HTATIP2: variants seen among roughly 807,000 people sequenced by gnomAD.
The protein encoded by HTATIP2 is protein HTATIP2.
HTATIP2 carries 26 observed loss-of-function variants against 24.7 expected under a neutral mutation model. That is an observed-to-expected ratio of 1.05 (90% CI 0.77 to 1.46). The LOEUF is 1.46. Ranked by LOEUF, HTATIP2 falls within the 40% of genes most tolerant of loss-of-function variation. The pLI, the probability that HTATIP2 is intolerant of heterozygous loss-of-function variation, is 0.00. For missense variants in HTATIP2, 284 were observed against 289.6 expected (o/e 0.98, Z 0.14); for synonymous variants, 99 against 113.2 (o/e 0.87, Z 0.79).
chr11:20,378,177 T>A (rs1565184384), intron 3 of HTATIP2, among the ~76,000 whole-genome samples: 2 of 152,214 alleles, frequency 1.3e-5, no homozygotes, highest in Non-Finnish European at 2.9e-5. Context: ...GAGCCATATC[T>A]CACCTATCCT....
intron 3 of HTATIP2, among the ~76,000 whole-genome samples, chr11:20,379,442 C>T (rs542951447): frequency 1.3e-5 from 2 of 152,292 alleles, no homozygotes; most frequent in South Asian, 4.1e-4. Context: ...CTGTGTGTAA[C>T]ATTCCTAGTA....
Position 20,382,977 on chromosome 11 carries a change from T to TAG in HTATIP2, c.504_505dup. 1 of 1,590,762 alleles carries TAG rather than the reference T, an allele frequency of 6.3e-7. No individual in the cohort carries two copies. On this transcript the variant is annotated splice_region_variant and splice_polypyrimidine_tract_variant and intron_variant, in intron 4 of 4. Transcript: ENST00000451739. ...CTTTCTTTTTTTTTTTTTTTTATTT[T>TAG]AGAGTTCTGTTATGTGATAGGCAAG...
intron 2 of HTATIP2, among the ~76,000 whole-genome samples, chr11:20,374,387 T>G (rs911564928): frequency 6.6e-6 from 1 of 152,248 alleles, no homozygotes; most frequent in African/African-American, 2.4e-5. Context: ...ATCTTAGAAG[T>G]CTGACACGGG....
Position 20,363,751 on chromosome 11 carries a change from T to G in HTATIP2, c.-487T>G, listed in dbSNP as rs879743684. The G allele has an allele frequency of 8.1e-7, 1 of 1,235,362 alleles. No individual in the cohort carries two copies. Among genetic ancestry groups the G allele is most frequent in the African/African-American group, 1.6e-5 (1 of 64,252 alleles). The allele number at this position is 1,235,362 out of a possible 1,614,324, so 76.5% of individuals were successfully genotyped here. A position where few individuals can be genotyped will look rare whatever the true frequency, so the allele number is the denominator to read the frequency against. ...AGGCCACCCGGAAGACCAAGCCGGG[T>G]AGGCGCTGTCTCCGTCGCCTCCAAC... On this transcript the variant is annotated 5_prime_UTR_variant, in exon 1 of 5. Coordinates refer to ENST00000451739, the MANE Select transcript of HTATIP2 (RefSeq NM_001098522.2).
At position 20,363,989 on chromosome 11, in the gene HTATIP2, G is replaced by T. The variant is rs2064663877; in HGVS notation, c.-249G>T. ...GGGGATACCGTGGGGTATGCCCAGTGATGCCAGCAGCTTGTGGCACCTGGG... is the reference window on the plus strand; with the variant it reads ...GGGGATACCGTGGGGTATGCCCAGTTATGCCAGCAGCTTGTGGCACCTGGG... On this transcript the variant is annotated 5_prime_UTR_variant, in exon 1 of 5. The change abolishes the stop of an existing upstream ORF in the 5' untranslated region. Coordinates refer to ENST00000451739, the MANE Select transcript of HTATIP2 (RefSeq NM_001098522.2). 8.7e-6 allele frequency: 11 copies of T among 1,263,494 alleles called. No individual in the cohort carries two copies. The highest frequency in any genetic ancestry group is 1.1e-5 in the Non-Finnish European group (11 of 1,004,098). The allele number at this position is 1,263,494 out of a possible 1,614,324, so 78.3% of individuals were successfully genotyped here. A position where few individuals can be genotyped will look rare whatever the true frequency, so the allele number is the denominator to read the frequency against.
In HTATIP2 at chr11:20,383,245, C is replaced by A; in HGVS notation, c.*40C>A. ...TGGTTTTTATTGTCAACCTTAACAC[C>A]CATCACCAAATCGGTAATTTCAGGG... is the stretch of plus-strand genomic sequence containing the variant. On this transcript the variant is annotated 3_prime_UTR_variant, in exon 5 of 5. Coordinates refer to ENST00000451739, the MANE Select transcript of HTATIP2 (RefSeq NM_001098522.2). 3 of 1,459,988 alleles carry A rather than the reference C, an allele frequency of 2.1e-6. No individual in the cohort carries two copies. Among genetic ancestry groups the A allele is most frequent in the Non-Finnish European group, 1.9e-6 (2 of 1,055,500 alleles). The allele number at this position is 1,459,988 out of a possible 1,614,324, so 90.4% of individuals were successfully genotyped here. A position where few individuals can be genotyped will look rare whatever the true frequency, so the allele number is the denominator to read the frequency against.
At chr11:20,365,422 A>G (rs953937261) in intron 1 of HTATIP2, among the ~76,000 whole-genome samples, 1 of 152,312 alleles carries the variant, frequency 6.6e-6, no homozygotes, top group South Asian at 2.1e-4. Context: ...AACTGCAACA[A>G]ATTAACATAG....
rs377524639 is a variant in HTATIP2 at position 20,376,658 on chromosome 11, A to G, written c.382A>G (p.Asn128Asp). ...LAKAGGCKHF[N>D]LLSSKGADKS... ...AAAAGCTGGAGGGTGCAAACATTTC[A>G]ACTTGCTATCCTCTAAAGGAGCTGA... Residue 128 changes from asparagine (N) to aspartate (D), a missense_variant, in exon 3 of 5, where the codon AAC becomes GAC. Physicochemically the swap from Asn to Asp is conservative, Grantham distance 23 (BLOSUM62 1). Transcript: ENST00000451739. 38 of 1,613,798 alleles carry G rather than the reference A, an allele frequency of 2.4e-5. No homozygotes were observed. The highest frequency in any genetic ancestry group is 3.1e-5 in the Non-Finnish European group (37 of 1,179,828).
At chr11:20,379,216 G>A (rs942419373) in intron 3 of HTATIP2, among the ~76,000 whole-genome samples, 3 of 152,204 alleles carry the variant, frequency 2.0e-5, no homozygotes, top group South Asian at 4.1e-4. Flanking sequence ...AGATTGGACC[G>A]TGACAGAGCC....
At position 20,367,100 on chromosome 11, in the gene HTATIP2, C is replaced by G. The variant is rs141202501; in HGVS notation, c.196-74C>G. 4.5e-6 allele frequency: 7 copies of G among 1,547,990 alleles called. No homozygotes were observed. The Admixed American group carries it at 9.5e-5, about 21-fold the overall frequency. On this transcript the variant is annotated intron_variant, in intron 1 of 4. Coordinates refer to ENST00000451739, the MANE Select transcript of HTATIP2 (RefSeq NM_001098522.2). ...TGTCAGTAATGTTCTGTAACTTAGT[C>G]TTTAAATCTAGAGGGGGTTTTTGGT...
intron 3 of HTATIP2, among the ~76,000 whole-genome samples, chr11:20,379,413 C>A (rs957724184): frequency 7.2e-5 from 11 of 152,116 alleles, no homozygotes; most frequent in Admixed American, 6.5e-5. Context: ...ATTATCTTTC[C>A]AAAATAATCC....
Position 20,364,357 on chromosome 11 carries a change from G to A in HTATIP2, c.120G>A (p.Glu40=), listed in dbSNP as rs768795320. 4 of 1,613,682 alleles carry A rather than the reference G, an allele frequency of 2.5e-6. No homozygotes were observed. The South Asian group carries it at 4.4e-5, about 18-fold the overall frequency. ...TGRVLLKEIL[E]QGLFSKVTLI... is the part of the protein sequence containing the mutation. ...GAGTGCTCTTAAAGGAAATCCTGGAGCAGGGCCTGTTTTCCAAAGTCACGC... is the reference window on the plus strand; with the variant it reads ...GAGTGCTCTTAAAGGAAATCCTGGAACAGGGCCTGTTTTCCAAAGTCACGC... The change falls in exon 1 of 5, where the codon GAG becomes GAA. Residue 40 remains glutamate (E), a synonymous_variant. Coordinates refer to ENST00000451739, the MANE Select transcript of HTATIP2 (RefSeq NM_001098522.2).
At chr11:20,368,328 C>T (rs2064735605) in intron 2 of HTATIP2, among the ~76,000 whole-genome samples, 1 of 152,164 alleles carries the variant, frequency 6.6e-6, no homozygotes, top group African/African-American at 2.4e-5. Context: ...TAGTTAGATT[C>T]AGATGTATTT....
intron 3 of HTATIP2, among the ~76,000 whole-genome samples, chr11:20,381,209 C>T (rs967575285): frequency 1.3e-4 from 20 of 152,198 alleles, no homozygotes; most frequent in South Asian, 4.1e-4. Context: ...GAGGCTGAGG[C>T]GGGTGGATCA....
rs200846453 is a variant in HTATIP2 at position 20,364,362 on chromosome 11, G to A, written c.125G>A (p.Gly42Asp). Residue 42 changes from glycine (G) to aspartate (D), a missense_variant, in exon 1 of 5, where the codon GGC (glycine) becomes GAC (aspartate). Transcript: ENST00000451739. The part of the protein sequence containing the change: ...RVLLKEILEQ[G>D]LFSKVTLIGR... ...CTCTTAAAGGAAATCCTGGAGCAGG[G>A]CCTGTTTTCCAAAGTCACGCTCATT... is the stretch of plus-strand genomic sequence containing the variant. 1 of 1,613,642 alleles carries A rather than the reference G, an allele frequency of 6.2e-7. No individual in the cohort carries two copies. The highest frequency in any genetic ancestry group is 2.2e-5 in the East Asian group (1 of 44,866).
Position 20,364,173 on chromosome 11 carries a change from C to A in HTATIP2, c.-65C>A. ...TAACAGATAAACAGCCCTTGTTCCT[C>A]GGGATAAGGACTGGCAGTCCCCTGA... On this transcript the variant is annotated 5_prime_UTR_variant, in exon 1 of 5. Coordinates refer to ENST00000451739, the MANE Select transcript of HTATIP2 (RefSeq NM_001098522.2). The A allele has an allele frequency of 6.6e-7, 1 of 1,512,464 alleles. No homozygotes were observed. The highest frequency in any genetic ancestry group is 1.3e-5 in the South Asian group (1 of 75,708). 93.7% of individuals were successfully genotyped at this position (1,512,464 alleles called of 1,614,324 possible).
At chr11:20,365,133 G>C (rs1394150323) in intron 1 of HTATIP2, among the ~76,000 whole-genome samples, 1 of 152,012 alleles carries the variant, frequency 6.6e-6, no homozygotes, top group African/African-American at 2.4e-5. Flanking sequence ...ACAGGCGTGC[G>C]TCACCACTCC....
chr11:20,374,601 G>C (rs546528162), intron 2 of HTATIP2, among the ~76,000 whole-genome samples: 8 of 152,244 alleles, frequency 5.3e-5, no homozygotes, highest in East Asian at 1.9e-4. Flanking sequence ...CTTCTGCCTC[G>C]TTCTTTTACT....
intron 3 of HTATIP2, among the ~76,000 whole-genome samples, chr11:20,381,551 A>G (rs1321671054): frequency 1.3e-5 from 2 of 152,172 alleles, no homozygotes; most frequent in East Asian, 1.9e-4. Context: ...TTAAGTGCCA[A>G]TTGAGTGGTA....
Sources: gnomAD v4.1 joint callset for allele counts (sites outside exome capture counted in the v4.1 genomes callset) on GRCh38, gnomAD v4.1.1 for gene constraint, MANE v1.5 for transcripts, NCBI Gene and HGNC (gene_info 2026-07-23, HGNC 2026-07-21) for gene names.